Variants in DNAH6 observed in about 807,000 individuals in gnomAD.
DNAH6 encodes the protein axonemal beta dynein heavy chain 6.
A neutral mutation model predicts 491.4 loss-of-function variants in DNAH6; 340 were observed. The ratio of observed to expected loss-of-function variants is 0.69; its 90% confidence interval spans 0.63 to 0.76. The LOEUF is 0.76. Ranked by LOEUF, DNAH6 falls within the 30% of genes least tolerant of loss-of-function variation. DNAH6 has a pLI of 0.00. For missense variants in DNAH6, 4,443 were observed against 4,972.2 expected, an observed-to-expected ratio of 0.89 and a Z score of 3.20; for synonymous variants, 1,603 against 1,686.1, an observed-to-expected ratio of 0.95 and a Z score of 1.21.
At chr2:84,748,051 G>A (rs1299986859) in intron 63 of DNAH6, among the ~76,000 whole-genome samples, 2 of 152,160 alleles carry the variant, frequency 1.3e-5, no homozygotes. Context: ...GCCTCCCAGG[G>A]CTCTGGACCT....
rs533462176 is a variant in DNAH6, at chr2:84,596,472, C to T, written c.2868+683C>T. Among the ~76,000 whole-genome samples, 42 of 151,912 alleles carry T rather than the reference C, an allele frequency of 2.8e-4. 1 individual carries two copies. In the South Asian group the frequency reaches 8.5e-3, roughly 31 times the overall value. ...CTGAGTAGCTGGGATTATAGGCACCCGCCACCCACCACGCTGGGCTAATTT... is the reference window on the plus strand; with the variant it reads ...CTGAGTAGCTGGGATTATAGGCACCTGCCACCCACCACGCTGGGCTAATTT... On this transcript the variant is annotated intron_variant, in intron 18 of 76. Transcript: ENST00000389394.
intron 61 of DNAH6, among the ~76,000 whole-genome samples, chr2:84,733,160 C>T (rs6713401): frequency 2.4e-3 from 371 of 152,206 alleles, no homozygotes; most frequent in African/African-American, 8.6e-3. Context: ...GGGGAAAGAT[C>T]GATGTTGGGT....
At chr2:84,760,588 A>T (rs1354829398) in intron 63 of DNAH6, among the ~76,000 whole-genome samples, 2 of 152,182 alleles carry the variant, frequency 1.3e-5, no homozygotes, top group Non-Finnish European at 2.9e-5. Context: ...AGAAATGCAA[A>T]CTAAAACCAC....
chr2:84,763,714 A>ATGTGTGTGTG lies in DNAH6; in HGVS notation c.10703+813_10703+822dup, dbSNP rs70953906. ...TCTCCAGAGAAATAGAACTGATAGGATGTGTGTGTGTGTGTGTGTGTGTGT... is the reference window on the plus strand; with the variant it reads ...TCTCCAGAGAAATAGAACTGATAGGATGTGTGTGTGTGTGTGTGTGTGTGTGTGTGTGTGT... On this transcript the variant is annotated intron_variant, in intron 64 of 76. Coordinates refer to ENST00000389394, the MANE Select transcript of DNAH6 (RefSeq NM_001370.2). 1.1e-3 allele frequency among the ~76,000 whole-genome samples: 141 copies of ATGTGTGTGTG among 126,892 alleles called. 2 individuals carry two copies. The highest frequency in any genetic ancestry group is 3.8e-3 in the East Asian group (15 of 3,976). The allele number at this position is 126,892 out of a possible 152,430, so 83.2% of individuals were successfully genotyped here.
In DNAH6 at chr2:84,659,386, T is replaced by C. The variant is rs184365636; in HGVS notation, c.6084+217T>C. Among the ~76,000 whole-genome samples the C allele has an allele frequency of 4.3e-3, 660 of 152,264 alleles. 6 individuals are homozygous for C. The highest frequency in any genetic ancestry group is 0.015 in the African/African-American group (638 of 41,564). On this transcript the variant is annotated intron_variant, in intron 37 of 76. Coordinates refer to ENST00000389394, the MANE Select transcript of DNAH6 (RefSeq NM_001370.2). ...ATATTAAAAAAGTAAGATGTATAAG[T>C]ATATAAAAACTCTCTACTGTAAACA...
intron 43 of DNAH6, among the ~76,000 whole-genome samples, 192 bp downstream of exon 43, chr2:84,685,664 G>C (rs1456264092): frequency 6.6e-6 from 1 of 151,916 alleles, no homozygotes; most frequent in Admixed American, 6.6e-5. Context: ...AATTCAGGAA[G>C]GGTCAGTCGG....
At chr2:84,700,973 A>C (rs1695847777) in intron 48 of DNAH6, 124 bp from the exon 49 acceptor site, 6 of 1,084,894 alleles carry the variant, frequency 5.5e-6, no homozygotes, top group African/African-American at 1.6e-5. Flanking sequence ...CATGAGTAGG[A>C]GTTAACTAGG....
chr2:84,656,321 T>G (rs1042750960), intron 35 of DNAH6, among the ~76,000 whole-genome samples: 1 of 152,128 alleles, frequency 6.6e-6, no homozygotes, highest in Non-Finnish European at 1.5e-5. Context: ...GGAATGTGGT[T>G]GCTGAATTAT....
At chr2:84,716,804 TC>T (rs774313458) in intron 58 of DNAH6, among the ~76,000 whole-genome samples, 26 of 152,104 alleles carry the variant, frequency 1.7e-4, no homozygotes, top group Non-Finnish European at 3.2e-4. Context: ...GTGCAGTATC[TC>T]CCTGCTATTT....
chr2:84,785,764 C>T lies in DNAH6; in HGVS notation c.11100+8C>T. The T allele has an allele frequency of 6.6e-7, 1 of 1,515,428 alleles. No homozygotes were observed. The highest frequency in any genetic ancestry group is 8.8e-7 in the Non-Finnish European group (1 of 1,132,782). 93.9% of individuals were successfully genotyped at this position (1,515,428 alleles called of 1,614,324 possible). ...TTCCATGCAATTATTCAGGTACACT[C>T]AACTCTGCTTTTCAATAGCAACAAG... On this transcript the variant is annotated splice_region_variant and intron_variant, in intron 67 of 76. Transcript: ENST00000389394.
chr2:84,604,584 A>G (rs1007128167), intron 19 of DNAH6, 33 bp downstream of exon 19: 3 of 1,476,380 alleles, frequency 2.0e-6, no homozygotes, highest in East Asian at 2.5e-5. Flanking sequence ...TCTATATACC[A>G]TTAGGGAATG....
intron 58 of DNAH6, among the ~76,000 whole-genome samples, chr2:84,716,036 T>G (rs1459931993): frequency 6.6e-6 from 1 of 152,056 alleles, no homozygotes; most frequent in African/African-American, 2.4e-5. Flanking sequence ...TTCACTGGTT[T>G]TTAGGTGTTT....
intron 12 of DNAH6, among the ~76,000 whole-genome samples, chr2:84,575,679 T>C (rs1682361668): frequency 1.3e-5 from 2 of 152,062 alleles, no homozygotes; most frequent in African/African-American, 4.8e-5. Flanking sequence ...GGTCAGGAGA[T>C]TGAGACCATC....
chr2:84,748,234 C>T (rs1201308800), intron 63 of DNAH6, among the ~76,000 whole-genome samples: 1 of 152,218 alleles, frequency 6.6e-6, no homozygotes, highest in Non-Finnish European at 1.5e-5. Flanking sequence ...TTCCCTACCA[C>T]ATAAGCACGC....
At chr2:84,721,022 T>C (rs1698101441) in intron 59 of DNAH6, among the ~76,000 whole-genome samples, 1 of 152,184 alleles carries the variant, frequency 6.6e-6, no homozygotes, top group Admixed American at 6.5e-5. Context: ...AAAATATGTC[T>C]CATATTCTCT....
intron 37 of DNAH6, among the ~76,000 whole-genome samples, chr2:84,665,917 T>C (rs2104634741): frequency 6.6e-6 from 1 of 152,318 alleles, no homozygotes; most frequent in East Asian, 1.9e-4. Flanking sequence ...TCAAGTGGGC[T>C]TCATCCCTGG....
intron 60 of DNAH6, among the ~76,000 whole-genome samples, chr2:84,725,797 A>G (rs993992424): frequency 6.6e-6 from 1 of 152,168 alleles, no homozygotes; most frequent in Non-Finnish European, 1.5e-5. Flanking sequence ...GAAATTCTTT[A>G]GAGAATTTTG....
chr2:84,622,508 C>G (rs1014686535), intron 26 of DNAH6, among the ~76,000 whole-genome samples: 1 of 152,124 alleles, frequency 6.6e-6, no homozygotes, highest in Non-Finnish European at 1.5e-5. Flanking sequence ...CCTGCCTTGG[C>G]CTCCCAAAGT....
intron 60 of DNAH6, among the ~76,000 whole-genome samples, chr2:84,726,822 A>G (rs1256920386): frequency 6.6e-6 from 1 of 151,960 alleles, no homozygotes; most frequent in East Asian, 1.9e-4. Context: ...TCTTCCTTCC[A>G]CTCCACTTAA....
Sources: gnomAD v4.1 joint callset for allele counts (sites outside exome capture counted in the v4.1 genomes callset) on GRCh38, gnomAD v4.1.1 for gene constraint, MANE v1.5 for transcripts, NCBI Gene and HGNC (gene_info 2026-07-23, HGNC 2026-07-21) for gene names.